The following CDK14 variants were observed in gnomAD, a reference collection of about 807,000 sequenced individuals.
The protein encoded by CDK14 is cyclin dependent kinase 14, also known as cyclin-dependent kinase 14.
A neutral mutation model predicts 60.7 loss-of-function variants in CDK14; 34 were observed. That is an observed-to-expected ratio of 0.56 (90% confidence interval 0.43 to 0.75). The LOEUF (loss-of-function observed/expected upper bound fraction) is 0.75, where lower values mean the gene tolerates loss of function less well. Among genes scored for constraint, CDK14 ranks in the 30% least tolerant of loss-of-function variants. The pLI is 0.00. For synonymous variants in CDK14, 197 were observed against 203.7 expected (o/e 0.97, Z 0.28); for missense variants, 482 against 564.1 (o/e 0.85, Z 1.47).
intron 6 of CDK14, among the ~76,000 whole-genome samples, chr7:90,878,978 C>T (rs748027681): frequency 6.6e-6 from 1 of 152,184 alleles, no homozygotes; most frequent in Non-Finnish European, 1.5e-5. Flanking sequence ...GACCATATTG[C>T]TATTCCCAAA....
chr7:91,123,660 C>T (rs1799852232), intron 14 of CDK14, among the ~76,000 whole-genome samples: 1 of 152,058 alleles, frequency 6.6e-6, no homozygotes, highest in Non-Finnish European at 1.5e-5. Flanking sequence ...GGAGTCTGTT[C>T]TATCCTTTAA....
chr7:90,846,490 A>G (rs911665324), intron 5 of CDK14, among the ~76,000 whole-genome samples: 1 of 152,166 alleles, frequency 6.6e-6, no homozygotes, highest in African/African-American at 2.4e-5. Context: ...TTGAATGGAG[A>G]CAGACTCATT....
intron 3 of CDK14, among the ~76,000 whole-genome samples, chr7:90,740,762 CTG>C (rs1292881053): frequency 1.3e-5 from 2 of 152,104 alleles, no homozygotes; most frequent in Non-Finnish European, 2.9e-5. Context: ...TCTTTAAACA[CTG>C]TTAATTTGTT....
At chr7:90,961,260 G>A (rs1794596491) in intron 9 of CDK14, among the ~76,000 whole-genome samples, 1 of 151,852 alleles carries the variant, frequency 6.6e-6, no homozygotes, top group African/African-American at 2.4e-5. Flanking sequence ...AAATATAGTG[G>A]GTGTCTTTCA....
intron 14 of CDK14, among the ~76,000 whole-genome samples, chr7:91,145,941 T>C (rs1800620767): frequency 6.6e-6 from 1 of 151,686 alleles, no homozygotes; most frequent in Admixed American, 6.6e-5. Flanking sequence ...TTTATTTATT[T>C]ATTTATTTAT....
intron 14 of CDK14, among the ~76,000 whole-genome samples, chr7:91,148,570 A>G (rs6953666): frequency 0.011 from 1,748 of 152,106 alleles, 29 homozygotes; most frequent in African/African-American, 0.038. Context: ...CCTGACCTAG[A>G]TGTTTAGGCT....
chr7:91,110,242 T>C (rs966517048), intron 12 of CDK14, among the ~76,000 whole-genome samples: 9 of 152,166 alleles, frequency 5.9e-5, no homozygotes, highest in Admixed American at 2.6e-4. Flanking sequence ...AACAAATATG[T>C]ATTAACTAAA....
chr7:90,904,329 T>G (rs1257627185), intron 7 of CDK14, among the ~76,000 whole-genome samples: 2 of 152,174 alleles, frequency 1.3e-5, no homozygotes, highest in Non-Finnish European at 1.5e-5. Flanking sequence ...GCCAAGTTGC[T>G]TGCACTGATT....
chr7:90,779,146 G>A (rs540310995), intron 4 of CDK14, among the ~76,000 whole-genome samples: 3 of 152,072 alleles, frequency 2.0e-5, no homozygotes, highest in South Asian at 2.1e-4. Context: ...TCAGTTACTC[G>A]GGAGGCTGAG....
rs1261830318 is a variant in CDK14, at chr7:91,209,921, G to C, written c.*2785G>C. 2.6e-5 allele frequency: 4 copies of C among 152,618 alleles called. No homozygotes were observed. The highest frequency in any genetic ancestry group is 5.9e-5 in the Non-Finnish European group (4 of 68,030). The allele number at this position is 152,618 out of a possible 1,614,324, so 9.5% of individuals were successfully genotyped here. ...GAGCACCTCCAGGCTTGCAAAGAAA[G>C]TGAGGCCTCTTGGTATCCTTTCCTC... On this transcript the variant is annotated 3_prime_UTR_variant, in exon 15 of 15. Coordinates refer to ENST00000380050, the MANE Select transcript of CDK14 (RefSeq NM_001287135.2).
At chr7:90,631,937 A>T (rs1160132971) in intron 2 of CDK14, 1 of 152,314 alleles carries the variant, frequency 6.6e-6, no homozygotes, top group Admixed American at 6.5e-5. Flanking sequence ...GATGACACTG[A>T]AGGTGTTTCA....
intron 2 of CDK14, among the ~76,000 whole-genome samples, chr7:90,714,891 A>C (rs1215490864): frequency 6.6e-6 from 1 of 152,098 alleles, no homozygotes; most frequent in East Asian, 1.9e-4. Flanking sequence ...TGTATGTTGT[A>C]TTTATATAGC....
At chr7:90,959,866 T>C (rs1313099769) in intron 9 of CDK14, among the ~76,000 whole-genome samples, 4 of 152,198 alleles carry the variant, frequency 2.6e-5, no homozygotes, top group African/African-American at 7.2e-5. Flanking sequence ...TAGATAGTTT[T>C]TGATTGTTTT....
intron 2 of CDK14, among the ~76,000 whole-genome samples, chr7:90,681,649 AAAT>A (rs1801319949): frequency 1.3e-5 from 2 of 152,298 alleles, no homozygotes; most frequent in African/African-American, 4.8e-5. Flanking sequence ...TTCTATGAAA[AAAT>A]AAAGTAATTG....
intron 2 of CDK14, among the ~76,000 whole-genome samples, chr7:90,643,111 A>G (rs181707639): frequency 6.6e-5 from 10 of 152,298 alleles, no homozygotes; most frequent in African/African-American, 2.2e-4. Context: ...AGGGGAGGTG[A>G]TATGTATGTA....
intron 2 of CDK14, among the ~76,000 whole-genome samples, chr7:90,631,059 G>T (rs1404231569): frequency 1.3e-5 from 2 of 151,990 alleles, no homozygotes; most frequent in South Asian, 2.1e-4. Context: ...TCAAAAGGTG[G>T]TGGTACTCTG....
chr7:90,873,360 G>A (rs549415363), intron 6 of CDK14, among the ~76,000 whole-genome samples: 43 of 152,124 alleles, frequency 2.8e-4, no homozygotes, highest in African/African-American at 9.7e-4. Flanking sequence ...AAGTGTGAAA[G>A]TATACATTAT....
chr7:90,626,851 G>A (rs1237327093), intron 2 of CDK14, among the ~76,000 whole-genome samples: 1 of 150,920 alleles, frequency 6.6e-6, no homozygotes, highest in African/African-American at 2.4e-5. Context: ...GAGGTGGGAC[G>A]ATCACTTGAG....
At chr7:90,895,305 T>TCTTTCCTC (rs1389398391) in intron 6 of CDK14, among the ~76,000 whole-genome samples, 5 of 62,104 alleles carry the variant, frequency 8.1e-5, no homozygotes, top group African/African-American at 2.4e-4. Flanking sequence ...CTTTTCCCAT[T>TCTTTCCTC]CTTTCCTCTT....
Sources: allele counts gnomAD v4.1 joint callset (sites outside exome capture counted in the v4.1 genomes callset), GRCh38; gene constraint gnomAD v4.1.1; transcripts MANE v1.5; gene names NCBI Gene and HGNC (gene_info 2026-07-23, HGNC 2026-07-21).